The following WDR45 variants were observed in gnomAD, a reference collection of about 807,000 sequenced individuals.
WDR45 encodes the protein WD repeat domain phosphoinositide-interacting protein 4.
Under a neutral mutation model 27.3 loss-of-function variants are expected in WDR45, and 2 were observed. The ratio of observed to expected loss-of-function variants is 0.07; its 90% CI spans 0.03 to 0.23. The LOEUF is 0.23. WDR45 is among the 10% of genes least tolerant of loss of function. The pLI is 1.00. For synonymous variants in WDR45, 99 were observed against 119.2 expected, an observed-to-expected ratio of 0.83 and a Z score of 1.11; for missense variants, 175 against 311.9, an observed-to-expected ratio of 0.56 and a Z score of 3.31.
upstream of WDR45, among the ~76,000 whole-genome samples, chrX:49,084,853 T>C (rs2065081448): frequency 9.0e-6 from 1 of 111,118 alleles, no homozygotes. Context: ...CGGGCTGGTC[T>C]TGAACTCCTG....
At chrX:49,082,880 A>AT (rs145907950), upstream of WDR45, among the ~76,000 whole-genome samples, 1,697 of 93,728 alleles carry the variant, frequency 0.018, 31 homozygotes, top group Non-Finnish European at 0.027. Flanking sequence ...CGCCCAGCTA[A>AT]TTTTTTTTTT....
upstream of WDR45, among the ~76,000 whole-genome samples, chrX:49,080,561 G>T (rs1423149834): frequency 2.7e-5 from 3 of 111,082 alleles, no homozygotes; most frequent in Non-Finnish European, 5.7e-5. Context: ...TCCTGCCTCA[G>T]CCTCCGGAGT....
At chrX:49,097,645 GTAT>G (rs112510291) in intron 2 of WDR45, among the ~76,000 whole-genome samples, 4 of 89,461 alleles carry the variant, frequency 4.5e-5, no homozygotes, top group African/African-American at 7.7e-5. Context: ...GCTAATTTTT[GTAT>G]TATTATTATT....
chrX:49,076,897 G>A (rs1557084361), intron 4 of WDR45, 147 bp from the exon 5 acceptor site: 5 of 480,359 alleles, frequency 1.0e-5, no homozygotes, highest in Admixed American at 3.2e-5. Flanking sequence ...CGCACAGCAC[G>A]AGCACTTGTG....
In WDR45 at chrX:49,075,276, G is replaced by A; in HGVS notation, c.833C>T (p.Ala278Val). 3 of 1,211,215 alleles carry A rather than the reference G, an allele frequency of 2.5e-6. No individual in the cohort carries two copies. The highest frequency in any genetic ancestry group is 3.4e-6 in the Non-Finnish European group (3 of 894,950). The change falls in exon 10 of 11, where the codon GCT becomes GTT. Residue 278 changes from alanine to valine, a missense_variant. Ala to Val is a moderately conservative substitution (Grantham distance 64). Coordinates refer to ENST00000376372, the MANE Select transcript of WDR45 (RefSeq NM_001029896.2). ...DTRLNRRSAL[A>V]RVGKVGPMIG... ...CATAGGCCCCACCTTGCCCACGCGAGCCAGCCTGCAGGCAGCACTGGCTAA... is the reference window on the plus strand; with the variant it reads ...CATAGGCCCCACCTTGCCCACGCGAACCAGCCTGCAGGCAGCACTGGCTAA...
intron 2 of WDR45, among the ~76,000 whole-genome samples, chrX:49,091,261 C>G (rs1360147094): frequency 9.4e-6 from 1 of 106,034 alleles, no homozygotes; most frequent in Non-Finnish European, 1.9e-5. Context: ...GCCAACATGG[C>G]AAAACCCCAT....
intron 2 of WDR45, among the ~76,000 whole-genome samples, chrX:49,099,624 AC>A (rs782688152): frequency 4.6e-5 from 5 of 108,922 alleles, no homozygotes; most frequent in Non-Finnish European, 9.5e-5. Flanking sequence ...TACTAAAAAT[AC>A]AAAAAATTAA....
upstream of WDR45, among the ~76,000 whole-genome samples, chrX:49,084,243 T>G (rs2065079083): frequency 9.4e-6 from 1 of 106,765 alleles, no homozygotes; most frequent in Non-Finnish European, 1.9e-5. Context: ...AGAGACGGGG[T>G]TTCACCATCT....
intron 2 of WDR45, among the ~76,000 whole-genome samples, chrX:49,086,959 T>G (rs782332861): frequency 1.8e-5 from 2 of 111,577 alleles, no homozygotes; most frequent in South Asian, 7.4e-4. Flanking sequence ...GTGCTGGGAT[T>G]ACAGGCATAA....
upstream of WDR45, among the ~76,000 whole-genome samples, chrX:49,084,262 C>T (rs1322359684): frequency 9.3e-6 from 1 of 108,048 alleles, no homozygotes; most frequent in African/African-American, 3.3e-5. Flanking sequence ...CTTGGTCAGG[C>T]TGGTCTCGAA....
At chrX:49,085,018 A>G (rs1388674312) in intron 2 of WDR45, among the ~76,000 whole-genome samples, 1 of 112,115 alleles carries the variant, frequency 8.9e-6, no homozygotes, top group East Asian at 2.8e-4. Context: ...GAGCACTACA[A>G]CTGTCCCAGC....
Position 49,075,637 on chromosome X carries a change from G to A in WDR45, c.633C>T (p.Ser211=). Residue 211 remains serine (S), a synonymous_variant, in exon 8 of 11, where the codon TCC becomes TCT. Coordinates refer to ENST00000376372, the MANE Select transcript of WDR45 (RefSeq NM_001029896.2). ...AGAGGCGAATAAGGGTACCCTTCTG[G>A]GAGGCTGAGGCCACTACAGTGCCTG... The part of the protein sequence containing the change: ...NQPGTVVASA[S]QKGTLIRLFD... 8.3e-7 allele frequency: 1 copy of A among 1,211,616 alleles called. No homozygotes were observed. Among genetic ancestry groups the A allele is most frequent in the Non-Finnish European group, 1.1e-6 (1 of 895,456 alleles).
rs943630115 is a variant in WDR45, at chrX:49,086,442, C to T, written c.-17-8330G>A. ...TGCTGGGATTACAGGCATGAACCAC[C>T]GTGCCTGGCCCAACATCTCTTTAAA... On this transcript the variant is annotated intron_variant, in intron 2 of 11. Coordinates refer to the WDR45 transcript ENST00000356463. Among the ~76,000 whole-genome samples, 5 of 110,558 alleles carry T rather than the reference C, an allele frequency of 4.5e-5. No individual in the cohort carries two copies. In the Admixed American group the frequency reaches 4.8e-4, roughly 11 times the overall value.
chrX:49,088,986 T>A (rs1466222716), intron 2 of WDR45, among the ~76,000 whole-genome samples: 1 of 112,153 alleles, frequency 8.9e-6, no homozygotes, highest in Admixed American at 9.5e-5. Flanking sequence ...GATTAAAAAA[T>A]GCAAAGAAAC....
At chrX:49,095,392 G>C (rs1385818370) in intron 2 of WDR45, among the ~76,000 whole-genome samples, 1 of 108,544 alleles carries the variant, frequency 9.2e-6, no homozygotes, top group Non-Finnish European at 1.9e-5. Context: ...TGTAATCCCA[G>C]AACTTTGGGA....
In WDR45 at chrX:49,077,818, T is replaced by C; in HGVS notation, c.130+19A>G. On this transcript the variant is annotated intron_variant, in intron 3 of 10. Coordinates refer to ENST00000376372, the MANE Select transcript of WDR45 (RefSeq NM_001029896.2). ...GCCCAGCTCTTCTGCCCATTGCCCCTCCCCTGCCAACAGCTCACCCAGATG... is the reference window on the plus strand; with the variant it reads ...GCCCAGCTCTTCTGCCCATTGCCCCCCCCCTGCCAACAGCTCACCCAGATG... 3 of 1,210,306 alleles carry C rather than the reference T, an allele frequency of 2.5e-6. No homozygotes were observed. Among genetic ancestry groups the C allele is most frequent in the Non-Finnish European group, 3.4e-6 (3 of 894,620 alleles).
intron 1 of WDR45, 43 bp from the exon 2 acceptor site, chrX:49,078,155 C>T: frequency 2.7e-6 from 3 of 1,129,275 alleles, no homozygotes; most frequent in Admixed American, 4.4e-5. Flanking sequence ...CCTGGAATCT[C>T]CCCTCCAAGT....
chrX:49,084,717 C>T (rs373557322), upstream of WDR45, among the ~76,000 whole-genome samples: 1 of 108,898 alleles, frequency 9.2e-6, no homozygotes, highest in East Asian at 2.9e-4. Flanking sequence ...TCACTGCAAC[C>T]TCTGCCTCCC....
chrX:49,075,431 C>T lies in WDR45; in HGVS notation c.760G>A (p.Ala254Thr), dbSNP rs1557083979. 5.8e-6 allele frequency: 7 copies of T among 1,209,849 alleles called. No homozygotes were observed. The highest frequency in any genetic ancestry group is 7.8e-6 in the Non-Finnish European group (7 of 894,532). Residue 254 changes from alanine to threonine, a missense_variant, in exon 9 of 11, where the codon GCT becomes ACT. Ala to Thr is a moderately conservative substitution (Grantham distance 58, BLOSUM62 0). This residue lies in a region of WDR45 where 71 missense variants were observed against 123.0 expected (regional missense o/e 0.58). Coordinates refer to ENST00000376372, the MANE Select transcript of WDR45 (RefSeq NM_001029896.2). ...NFSHDSSFLC[A>T]SSDKGTVHIF... Reference sequence around the variant, plus strand: ...TGGACAGTACCCTTATCACTGGAAGCGCAGAGGAAGGAGGAGTCGTGGCTG... The same window carrying T: ...TGGACAGTACCCTTATCACTGGAAGTGCAGAGGAAGGAGGAGTCGTGGCTG...
Sources: gnomAD v4.1 joint callset for allele counts (sites outside exome capture counted in the v4.1 genomes callset) on GRCh38, gnomAD v4.1.1 for gene constraint, gnomAD v4.1.1 regional missense constraint, MANE v1.5 for transcripts, NCBI Gene and HGNC (gene_info 2026-07-23, HGNC 2026-07-21) for gene names.